Variants in CD109 observed in about 807,000 individuals in gnomAD.
The protein encoded by CD109 is CD109 molecule.
In CD109, 149 loss-of-function variants were observed where a neutral mutation model predicts 165.8. The ratio of observed to expected loss-of-function variants is 0.90; its 90% confidence interval spans 0.79 to 1.03. The LOEUF is 1.03. Among genes scored for constraint, CD109 ranks in the 50% least tolerant of loss-of-function variants. The pLI, the probability that CD109 is intolerant of heterozygous loss-of-function variation, is 0.00. For missense variants in CD109, 1,712 were observed against 1,677.8 expected (o/e 1.02, Z -0.36); for synonymous variants, 585 against 592.1 (o/e 0.99, Z 0.18).
chr6:73,781,537 T>C (rs796744139), intron 17 of CD109, among the ~76,000 whole-genome samples: 22 of 152,308 alleles, frequency 1.4e-4, no homozygotes, highest in African/African-American at 5.3e-4. Flanking sequence ...TTGAAGTGAA[T>C]GCTTTCCTTT....
upstream of CD109, chr6:73,694,992 G>A (rs1770770155): frequency 6.6e-6 from 1 of 152,266 alleles, no homozygotes; most frequent in Non-Finnish European, 1.5e-5. Context: ...GGTGGAACAG[G>A]AAAGGGAGGA....
Position 73,700,790 on chromosome 6 carries a change from G to GTTTT in CD109, c.247+3244_247+3247dup, listed in dbSNP as rs58140668. On this transcript the variant is annotated intron_variant, in intron 2 of 32. Transcript: ENST00000287097. ...CTACATTTATTGGGGATTGATTGTA[G>GTTTT]TTTTTTTTTTTTTTTTTTTTTTTTT... Among the ~76,000 whole-genome samples, 65 of 51,478 alleles carry GTTTT rather than the reference G, an allele frequency of 1.3e-3. 13 individuals are homozygous for GTTTT. The highest frequency in any genetic ancestry group is 1.8e-3 in the African/African-American group (23 of 12,442). 33.8% of individuals were successfully genotyped at this position (51,478 alleles called of 152,430 possible). A position where few individuals can be genotyped will look rare whatever the true frequency, so the allele number is the denominator to read the frequency against.
At chr6:73,802,514 C>A (rs1198715158) in intron 23 of CD109, among the ~76,000 whole-genome samples, 2 of 151,366 alleles carry the variant, frequency 1.3e-5, no homozygotes, top group East Asian at 1.9e-4. Flanking sequence ...ATTAATGATA[C>A]CCTACATAGT....
intron 10 of CD109, among the ~76,000 whole-genome samples, chr6:73,764,740 C>T (rs753921803): frequency 2.7e-5 from 4 of 148,328 alleles, no homozygotes; most frequent in East Asian, 2.1e-4. Context: ...CGCTTGAACC[C>T]GGGAGGCGGA....
chr6:73,746,602 T>C (rs1172568922), intron 5 of CD109, among the ~76,000 whole-genome samples: 1 of 152,176 alleles, frequency 6.6e-6, no homozygotes, highest in Non-Finnish European at 1.5e-5. Flanking sequence ...TTTTTTTTTT[T>C]CAACACCAAG....
At chr6:73,797,829 C>A (rs1242102641) in intron 23 of CD109, among the ~76,000 whole-genome samples, 1 of 152,032 alleles carries the variant, frequency 6.6e-6, no homozygotes, top group African/African-American at 2.4e-5. Flanking sequence ...TTATGAAGGG[C>A]TCATGGGTTT....
intron 32 of CD109, among the ~76,000 whole-genome samples, chr6:73,823,030 G>T (rs1776151354): frequency 6.6e-6 from 1 of 152,120 alleles, no homozygotes; most frequent in South Asian, 2.1e-4. Flanking sequence ...TTTTACTAGA[G>T]CCCAGGGTAA....
chr6:73,746,938 C>T (rs1243787606), intron 5 of CD109, among the ~76,000 whole-genome samples: 3 of 152,206 alleles, frequency 2.0e-5, no homozygotes, highest in South Asian at 2.1e-4. Context: ...ATTCCTCCCT[C>T]CTCACACTCA....
chr6:73,681,898 T>C, the CD109 span, among the ~76,000 whole-genome samples: 2 of 152,078 alleles, frequency 1.3e-5, no homozygotes, highest in African/African-American at 4.8e-5. Flanking sequence ...CCACCGCACC[T>C]GGCTGGAAAT....
At chr6:73,758,489 G>A (rs1397085429) in intron 6 of CD109, among the ~76,000 whole-genome samples, 1 of 152,054 alleles carries the variant, frequency 6.6e-6, no homozygotes, top group Non-Finnish European at 1.5e-5. Flanking sequence ...GGGTTCAAGC[G>A]ATTCTCCTGC....
Position 73,806,937 on chromosome 6 carries a change from A to G in CD109, c.3054A>G (p.Lys1018=). The change falls in exon 25 of 33, where the codon AAA becomes AAG. Residue 1018 remains lysine (K), a synonymous_variant. Coordinates refer to ENST00000287097, the MANE Select transcript of CD109 (RefSeq NM_133493.5). ...NVLHRTYTWL[K]GHQKSNGEFW... ...TACACAGAACATACACTTGGCTTAA[A>G]GGACATCAGAAATCCAACGGTGAAT... 4.3e-6 allele frequency: 7 copies of G among 1,614,030 alleles called. No homozygotes were observed. Among genetic ancestry groups the G allele is most frequent in the Non-Finnish European group, 5.9e-6 (7 of 1,179,966 alleles).
intron 10 of CD109, among the ~76,000 whole-genome samples, chr6:73,764,631 A>G (rs1335053068): frequency 1.3e-5 from 2 of 151,934 alleles, no homozygotes; most frequent in Admixed American, 6.6e-5. Flanking sequence ...CCTGACCAAC[A>G]TGGAGAAACC....
chr6:73,713,656 G>A (rs749652375), intron 2 of CD109, among the ~76,000 whole-genome samples: 7 of 152,136 alleles, frequency 4.6e-5, no homozygotes, highest in Non-Finnish European at 1.0e-4. Context: ...TGAACTGCTC[G>A]TCCAACTTCT....
intron 2 of CD109, 143 bp downstream of exon 2, chr6:73,697,715 G>A: frequency 1.7e-6 from 1 of 591,460 alleles, no homozygotes; most frequent in Non-Finnish European, 2.8e-6. Flanking sequence ...CTCATGTAAA[G>A]TCCTAGATGG....
At chr6:73,779,253 CT>C (rs36008384) in intron 15 of CD109, among the ~76,000 whole-genome samples, 65 of 144,002 alleles carry the variant, frequency 4.5e-4, no homozygotes, top group Non-Finnish European at 4.1e-4. Flanking sequence ...AGCTTCATTT[CT>C]TTTTTTTTTT....
the CD109 span, among the ~76,000 whole-genome samples, chr6:73,689,834 A>G: frequency 6.9e-4 from 105 of 152,344 alleles, no homozygotes; most frequent in African/African-American, 2.4e-3. Context: ...ATTTATTGTC[A>G]ATTATTATTA....
chr6:73,821,273 G>A (rs1002883995), intron 32 of CD109, among the ~76,000 whole-genome samples: 6 of 152,040 alleles, frequency 3.9e-5, no homozygotes, highest in Admixed American at 1.3e-4. Flanking sequence ...AAACCTGCAC[G>A]TTGTGCACAT....
intron 30 of CD109, among the ~76,000 whole-genome samples, chr6:73,817,731 G>A (rs538997466): frequency 2.6e-5 from 4 of 152,088 alleles, no homozygotes; most frequent in African/African-American, 9.6e-5. Context: ...AATGTTGTTG[G>A]TGCCCAGATC....
intron 23 of CD109, among the ~76,000 whole-genome samples, chr6:73,798,367 G>A (rs540172977): frequency 6.6e-6 from 1 of 152,134 alleles, no homozygotes; most frequent in African/African-American, 2.4e-5. Flanking sequence ...CACCCGCCTT[G>A]GCCTCCCAAA....
Sources: allele counts gnomAD v4.1 joint callset (sites outside exome capture counted in the v4.1 genomes callset), GRCh38; gene constraint gnomAD v4.1.1; transcripts MANE v1.5; gene names NCBI Gene and HGNC (gene_info 2026-07-23, HGNC 2026-07-21).